The following MYH9 variants were observed in gnomAD, a reference collection of about 807,000 sequenced individuals.
MYH9 encodes the protein myosin heavy chain 9.
MYH9 carries 29 observed loss-of-function variants against 241.9 expected under a neutral mutation model. The ratio of observed to expected loss-of-function variants is 0.12; its 90% confidence interval spans 0.09 to 0.16. The LOEUF is 0.16. Among genes scored for constraint, MYH9 ranks in the 10% least tolerant of loss-of-function variants. MYH9 has a pLI of 1.00. For missense variants in MYH9, 1,803 were observed against 2,595.5 expected (o/e 0.69, Z 6.63); for synonymous variants, 1,047 against 1,062.6 (o/e 0.99, Z 0.29).
chr22:36,323,964 C>A (rs964170385), intron 5 of MYH9, among the ~76,000 whole-genome samples: 1 of 152,220 alleles, frequency 6.6e-6, no homozygotes, highest in African/African-American at 2.4e-5. Flanking sequence ...CCTGGGAAGT[C>A]GGCTGAGGCA....
chr22:36,320,511 C>A lies in MYH9; in HGVS notation c.869-148G>T. On this transcript the variant is annotated intron_variant, in intron 8 of 40. Transcript: ENST00000216181. This position sits in a 1 kb window ranked among gnomAD's most constrained non-coding sequence, Gnocchi z 4.8. ...CCGCAGAGTAGCCAGTGACGTTCAG[C>A]TTTCCTCAGTGTCTGAGACTCTGAC... 1.9e-6 allele frequency: 2 copies of A among 1,075,488 alleles called. 1 individual carries two copies. Among genetic ancestry groups the A allele is most frequent in the African/African-American group, 3.1e-5 (2 of 64,454 alleles). 66.6% of individuals were successfully genotyped at this position (1,075,488 alleles called of 1,614,324 possible).
At position 36,300,127 on chromosome 22, in the gene MYH9, C is replaced by T; in HGVS notation, c.2976G>A (p.Lys992=). 1 of 1,611,044 alleles carries T rather than the reference C, an allele frequency of 6.2e-7. No individual in the cohort carries two copies. The highest frequency in any genetic ancestry group is 8.5e-7 in the Non-Finnish European group (1 of 1,180,012). Reference sequence around the variant, plus strand: ...GGCAGGCGACAGCCACGGGCCTCACCTTGGCCAGCTTGCAGTTCTGGTCCT... The same window carrying T: ...GGCAGGCGACAGCCACGGGCCTCACTTTGGCCAGCTTGCAGTTCTGGTCCT... ...ILEDQNCKLA[K]EKKLLEDRIA... Residue 992 remains lysine, a splice_region_variant and synonymous_variant, in exon 23 of 41, where the codon AAG becomes AAA. Transcript: ENST00000216181. The surrounding 1 kb of genome is among the most constrained non-coding windows in gnomAD (Gnocchi z 5.0).
In MYH9 at chr22:36,289,074, C is replaced by T. The variant is rs747452881; in HGVS notation, c.4557+11G>A. ...CCTTCCCAAGACCTGGCTGCCAGGCCCAGGACTCACACTCTTGCCCACATC... is the reference window on the plus strand; with the variant it reads ...CCTTCCCAAGACCTGGCTGCCAGGCTCAGGACTCACACTCTTGCCCACATC... On this transcript the variant is annotated intron_variant, in intron 32 of 40. Transcript: ENST00000216181. 2.3e-5 allele frequency: 37 copies of T among 1,613,938 alleles called. No individual in the cohort carries two copies. The highest frequency in any genetic ancestry group is 2.7e-5 in the Non-Finnish European group (32 of 1,180,036).
chr22:36,344,810 G>C (rs1005369349), intron 2 of MYH9, among the ~76,000 whole-genome samples: 1 of 152,204 alleles, frequency 6.6e-6, no homozygotes, highest in Non-Finnish European at 1.5e-5. Flanking sequence ...GTGGGAGGGA[G>C]AGGCCCTGTG....
chr22:36,310,585 C>T (rs1385609783), intron 14 of MYH9, among the ~76,000 whole-genome samples: 1 of 152,224 alleles, frequency 6.6e-6, no homozygotes, highest in Non-Finnish European at 1.5e-5. Flanking sequence ...AGGGGTGCTC[C>T]CCTCAGCATG....
At chr22:36,341,601 T>C in intron 2 of MYH9, 75 bp from the exon 3 acceptor site, 3 of 1,548,086 alleles carry the variant, frequency 1.9e-6, no homozygotes, top group Admixed American at 3.4e-5. Context: ...TGTAGCAAAA[T>C]ATCTGCGGCT....
At chr22:36,356,169 T>C (rs569028928) in intron 1 of MYH9, among the ~76,000 whole-genome samples, 2 of 152,334 alleles carry the variant, frequency 1.3e-5, no homozygotes, top group East Asian at 3.9e-4. Context: ...TGTTTGTTTT[T>C]TTCCATCCCC....
Position 36,286,712 on chromosome 22 carries a change from A to G in MYH9, c.5061+6T>C. 1.2e-6 allele frequency: 2 copies of G among 1,611,766 alleles called. No individual in the cohort carries two copies. Among genetic ancestry groups the G allele is most frequent in the Non-Finnish European group, 1.7e-6 (2 of 1,179,968 alleles). On this transcript the variant is annotated splice_donor_region_variant and intron_variant, in intron 35 of 40. Transcript: ENST00000216181. ...CGGTGCCGCTCTCCATTGCAGCCCC[A>G]CCCACCTCCTGCAACTGGATCATCT...
intron 27 of MYH9, 113 bp downstream of exon 27, chr22:36,294,819 G>C (rs1397768919): frequency 6.8e-7 from 1 of 1,460,504 alleles, no homozygotes; most frequent in East Asian, 2.3e-5. Context: ...CCTGGCCTCA[G>C]AACCAGGCAG....
intron 3 of MYH9, among the ~76,000 whole-genome samples, chr22:36,338,124 A>C (rs2017527539): frequency 1.3e-5 from 2 of 151,890 alleles, no homozygotes; most frequent in Admixed American, 6.6e-5. Flanking sequence ...CAGCCTCCTG[A>C]GTAGTTGGGA....
In MYH9 at chr22:36,288,177, G is replaced by A. The variant is rs1434244564; in HGVS notation, c.4932+75C>T. 64 of 1,586,448 alleles carry A rather than the reference G, an allele frequency of 4.0e-5. No individual in the cohort carries two copies. The highest frequency in any genetic ancestry group is 2.8e-4 in the Admixed American group (17 of 59,934). On this transcript the variant is annotated intron_variant, in intron 34 of 40. Transcript: ENST00000216181. The surrounding 1 kb of genome is among the most constrained non-coding windows in gnomAD (Gnocchi z 4.8). The stretch of plus-strand genomic sequence containing the variant: ...CCCTGCCAGGTTCCCGCCCTGGGCC[G>A]AGCCCTGGCACCTTCATATGTAGTT...
intron 34 of MYH9, among the ~76,000 whole-genome samples, chr22:36,287,064 G>A (rs1021649218): frequency 2.0e-5 from 3 of 152,194 alleles, no homozygotes; most frequent in African/African-American, 4.8e-5. Flanking sequence ...CACCGTGGAC[G>A]TGAGCCCAAG....
chr22:36,314,092 C>T (rs138451503), intron 13 of MYH9, 53 bp downstream of exon 13: 154 of 1,581,820 alleles, frequency 9.7e-5, no homozygotes, highest in Non-Finnish European at 1.1e-4. Context: ...GCGGGTGCCC[C>T]GGAAGGGAAA....
rs1198770852 is a variant in MYH9, at chr22:36,382,307, TC to T, written c.-20+5499del. The stretch of plus-strand genomic sequence containing the variant: ...CTGGCCAACATGGTGAAACCCCATT[TC>T]TATTAAAAATGCAAAAATTAGCTGG... On this transcript the variant is annotated intron_variant, in intron 1 of 40. Coordinates refer to ENST00000216181, the MANE Select transcript of MYH9 (RefSeq NM_002473.6). Among the ~76,000 whole-genome samples, 26 of 150,180 alleles carry T rather than the reference TC, an allele frequency of 1.7e-4. 1 individual carries two copies. The East Asian group carries it at 4.4e-3, about 25-fold the overall frequency.
At position 36,292,132 on chromosome 22, in the gene MYH9, G is replaced by A. The variant is rs76368635; in HGVS notation, c.4198C>T (p.Arg1400Trp). 3,002 of 1,614,124 alleles carry A rather than the reference G, an allele frequency of 1.9e-3. 7 individuals carry two copies. The highest frequency in any genetic ancestry group is 2.4e-3 in the Non-Finnish European group (2,783 of 1,180,040). Residue 1400 changes from arginine to tryptophan, a missense_variant, in exon 31 of 41, where the codon CGG becomes TGG. Transcript: ENST00000216181. ...TAGGCGGCCACCTTCTCCTCGTGCC[G>A]CTGGCTCAGGCCCTCCAGGTCCTTC... ...LQKDLEGLSQ[R>W]HEEKVAAYDK...
intron 3 of MYH9, among the ~76,000 whole-genome samples, chr22:36,335,698 G>A (rs2017487572): frequency 6.6e-6 from 1 of 152,206 alleles, no homozygotes; most frequent in Non-Finnish European, 1.5e-5. Flanking sequence ...CAACCACTGA[G>A]CTGGAGATAA....
chr22:36,381,995 T>G (rs980758772), intron 1 of MYH9, among the ~76,000 whole-genome samples: 2 of 152,128 alleles, frequency 1.3e-5, no homozygotes, highest in African/African-American at 4.8e-5. Context: ...GTTGTTGTTG[T>G]TGTTTAATGT....
At chr22:36,347,502 G>A (rs1415244262) in intron 2 of MYH9, among the ~76,000 whole-genome samples, 1 of 151,878 alleles carries the variant, frequency 6.6e-6, no homozygotes, top group Admixed American at 6.6e-5. Context: ...GGAGGCCCAA[G>A]CAGAAGAATC....
chr22:36,375,007 G>T (rs188825418), intron 1 of MYH9, among the ~76,000 whole-genome samples: 1 of 152,290 alleles, frequency 6.6e-6, no homozygotes, highest in East Asian at 1.9e-4. Context: ...TGGGTTTCCA[G>T]CATCGGTATC....
Sources: allele counts gnomAD v4.1 joint callset (sites outside exome capture counted in the v4.1 genomes callset), GRCh38; gene constraint gnomAD v4.1.1; non-coding constraint Gnocchi (gnomAD v3.1); transcripts MANE v1.5; gene names NCBI Gene and HGNC (gene_info 2026-07-23, HGNC 2026-07-21).